The following LARS1 variants were observed in gnomAD, a reference collection of about 807,000 sequenced individuals.
The protein encoded by LARS1 is leucine--tRNA ligase, cytoplasmic.
LARS1 carries 100 observed loss-of-function variants against 162.8 expected under a neutral mutation model. The ratio of observed to expected loss-of-function variants is 0.61; its 90% CI spans 0.52 to 0.73. LARS1 has a LOEUF of 0.73. Among genes scored for constraint, LARS1 ranks in the 30% least tolerant of loss-of-function variants. The probability of loss-of-function intolerance (pLI) is 0.00; values close to 1 mark genes in which losing one functional copy is unlikely to be tolerated. For missense variants in LARS1, 1,258 were observed against 1,408.9 expected (o/e 0.89, Z 1.71); for synonymous variants, 457 against 462.8 (o/e 0.99, Z 0.16).
chr5:146,156,699 A>T (rs532462629), intron 10 of LARS1, among the ~76,000 whole-genome samples: 253 of 152,206 alleles, frequency 1.7e-3, no homozygotes, highest in African/African-American at 4.9e-3. Context: ...TCTACAAAAA[A>T]AAAAATAAAA....
Position 146,182,468 on chromosome 5 carries a change from T to A in LARS1, c.6+20A>T. The A allele has an allele frequency of 6.2e-7, 1 of 1,613,838 alleles. No individual in the cohort carries two copies. The highest frequency in any genetic ancestry group is 1.3e-5 in the African/African-American group (1 of 74,982). On this transcript the variant is annotated intron_variant, in intron 1 of 31. Coordinates refer to ENST00000394434, the MANE Select transcript of LARS1 (RefSeq NM_020117.11). ...AGTCCGGCTCCAGGGCCCCTGCGGA[T>A]TCTTCTCGCTCAAACTCACCGCCAT...
At chr5:146,139,178 C>CA (rs1357901573) in intron 21 of LARS1, among the ~76,000 whole-genome samples, 1 of 151,268 alleles carries the variant, frequency 6.6e-6, no homozygotes, top group East Asian at 1.9e-4. Context: ...CCCATCTCTA[C>CA]GGAAAAAAAC....
chr5:146,176,160 AAG>A (rs934628405), intron 2 of LARS1, among the ~76,000 whole-genome samples: 14 of 152,184 alleles, frequency 9.2e-5, no homozygotes, highest in Non-Finnish European at 1.9e-4. Context: ...TAAAAAAAGA[AAG>A]AAAGAAAAAG....
intron 15 of LARS1, among the ~76,000 whole-genome samples, chr5:146,145,589 C>T (rs571125568): frequency 6.6e-6 from 1 of 152,190 alleles, no homozygotes; most frequent in East Asian, 1.9e-4. Context: ...TGAAAATTGA[C>T]GATGTTTTTG....
At chr5:146,122,793 TTA>T (rs1319429200) in intron 29 of LARS1, among the ~76,000 whole-genome samples, 3 of 152,040 alleles carry the variant, frequency 2.0e-5, no homozygotes, top group Non-Finnish European at 4.4e-5. Flanking sequence ...GTATTGTTAT[TTA>T]TATAGTCATG....
chr5:146,170,517 T>C (rs1438989571), intron 4 of LARS1, among the ~76,000 whole-genome samples: 2 of 151,530 alleles, frequency 1.3e-5, no homozygotes, highest in Non-Finnish European at 2.9e-5. Flanking sequence ...ATTTTGAGTC[T>C]ACAGAAATTT....
rs1477718927 is a variant in LARS1, at chr5:146,133,073, A to G, written c.2221T>C (p.Leu741=). The change falls in exon 23 of 32, where the codon TTG becomes CTG. Residue 741 remains leucine (L), a synonymous_variant. Transcript: ENST00000394434. ...IDKFSADGMR[L]ALADAGDTVE... ...GTGTCACCAGCATCAGCCAGAGCCA[A>G]ACGCATTCCTGGAAGAAGAAAAAAA... 5.0e-6 allele frequency: 8 copies of G among 1,612,272 alleles called. No individual in the cohort carries two copies. Among genetic ancestry groups the G allele is most frequent in the Non-Finnish European group, 6.8e-6 (8 of 1,179,474 alleles).
intron 24 of LARS1, chr5:146,130,385 A>C (rs1054000239): frequency 3.9e-6 from 2 of 518,674 alleles, no homozygotes; most frequent in African/African-American, 1.9e-5. Flanking sequence ...ATTTTTTTAC[A>C]GACAGTTTGT....
chr5:146,116,161 T>C (rs1764198212), intron 31 of LARS1, among the ~76,000 whole-genome samples: 1 of 152,190 alleles, frequency 6.6e-6, no homozygotes, highest in Non-Finnish European at 1.5e-5. Context: ...AAAATTAAAA[T>C]GGGAAGAGAG....
At chr5:146,156,481 G>T (rs915197249) in intron 10 of LARS1, among the ~76,000 whole-genome samples, 3 of 152,052 alleles carry the variant, frequency 2.0e-5, no homozygotes, top group East Asian at 3.9e-4. Flanking sequence ...ATCACCCGAG[G>T]TCAGGAGTTC....
intron 2 of LARS1, among the ~76,000 whole-genome samples, chr5:146,176,290 A>C (rs2126602433): frequency 6.6e-6 from 1 of 152,082 alleles, no homozygotes; most frequent in South Asian, 2.1e-4. Context: ...CGTCTCTACT[A>C]AAAATACAAA....
chr5:146,157,805 T>C lies in LARS1; in HGVS notation c.772-10A>G, dbSNP rs1249429589. 3 of 1,613,058 alleles carry C rather than the reference T, an allele frequency of 1.9e-6. No homozygotes were observed. The highest frequency in any genetic ancestry group is 3.3e-5 in the Admixed American group (2 of 59,948). On this transcript the variant is annotated splice_polypyrimidine_tract_variant and intron_variant, in intron 8 of 31. Coordinates refer to ENST00000394434, the MANE Select transcript of LARS1 (RefSeq NM_020117.11). ...CCTGAGGTCCAACACCCTAAGCAAA[T>C]AAACGATACAAAAATTTGAAGGAAA...
chr5:146,126,284 C>G, intron 28 of LARS1, 151 bp downstream of exon 28: 1 of 542,210 alleles, frequency 1.8e-6, no homozygotes, highest in Non-Finnish European at 3.3e-6. Context: ...AACCCAAAAT[C>G]TGATAGATCA....
intron 2 of LARS1, 66 bp downstream of exon 2, chr5:146,177,481 A>ATATAT (rs1554074060): frequency 1.4e-5 from 2 of 146,900 alleles, no homozygotes; most frequent in African/African-American, 5.6e-5. Context: ...AAAAAAAAAA[A>ATATAT]AAATATATAT....
At chr5:146,126,741 T>C (rs573132739) in intron 27 of LARS1, among the ~76,000 whole-genome samples, 196 bp from the exon 28 acceptor site, 2 of 152,192 alleles carry the variant, frequency 1.3e-5, no homozygotes, top group African/African-American at 4.8e-5. Context: ...TCTCTATAAA[T>C]TAACAACACA....
Position 146,164,577 on chromosome 5 carries a change from C to T in LARS1, c.433-106G>A. On this transcript the variant is annotated intron_variant, in intron 5 of 31. Coordinates refer to ENST00000394434, the MANE Select transcript of LARS1 (RefSeq NM_020117.11). ...AATTTTTTTACATTCTAAAATAATGCTGATACATCAGAACACTGCAGGAAT... is the reference window on the plus strand; with the variant it reads ...AATTTTTTTACATTCTAAAATAATGTTGATACATCAGAACACTGCAGGAAT... 2.8e-6 allele frequency: 3 copies of T among 1,074,348 alleles called. No individual in the cohort carries two copies. In the South Asian group the frequency reaches 3.9e-5, roughly 14 times the overall value. The allele number at this position is 1,074,348 out of a possible 1,614,324, so 66.6% of individuals were successfully genotyped here.
At chr5:146,147,231 A>G (rs1753051180) in intron 15 of LARS1, among the ~76,000 whole-genome samples, 1 of 152,132 alleles carries the variant, frequency 6.6e-6, no homozygotes, top group Non-Finnish European at 1.5e-5. Flanking sequence ...TTCCTCAGAG[A>G]AATAAGATTA....
At position 146,144,369 on chromosome 5, in the gene LARS1, A is replaced by G; in HGVS notation, c.1656-20T>C. 2.5e-6 allele frequency: 4 copies of G among 1,606,354 alleles called. No homozygotes were observed. The highest frequency in any genetic ancestry group is 3.4e-6 in the Non-Finnish European group (4 of 1,176,432). The stretch of plus-strand genomic sequence containing the variant: ...CAGAATCTAGAAAAGAGCAAAAGAC[A>G]AAGTGTATCTTTACTGGTTCACTTT... On this transcript the variant is annotated intron_variant, in intron 17 of 31. Coordinates refer to ENST00000394434, the MANE Select transcript of LARS1 (RefSeq NM_020117.11).
chr5:146,174,039 T>C (rs1196744590), intron 2 of LARS1, among the ~76,000 whole-genome samples: 3 of 151,342 alleles, frequency 2.0e-5, no homozygotes, highest in African/African-American at 7.3e-5. Context: ...GTAATTATTT[T>C]AAATTACCTT....
Sources: allele counts gnomAD v4.1 joint callset (sites outside exome capture counted in the v4.1 genomes callset), GRCh38; gene constraint gnomAD v4.1.1; transcripts MANE v1.5; gene names NCBI Gene and HGNC (gene_info 2026-07-23, HGNC 2026-07-21).